The following AKAP11 variants were observed in gnomAD, a reference collection of about 807,000 sequenced individuals.
AKAP11 encodes the protein A-kinase anchoring protein 11, also known as A-kinase anchor protein 11.
A neutral mutation model predicts 146.1 loss-of-function variants in AKAP11; 36 were observed. The observed-to-expected ratio is 0.25, with a 90% confidence interval of 0.19 to 0.33. AKAP11 has a LOEUF of 0.33. Among genes scored for constraint, AKAP11 ranks in the 10% least tolerant of loss-of-function variants. The probability of loss-of-function intolerance (pLI) is 1.00; values close to 1 mark genes in which losing one functional copy is unlikely to be tolerated. For synonymous variants in AKAP11, 780 were observed against 786.5 expected, an observed-to-expected ratio of 0.99 and a Z score of 0.14; for missense variants, 2,201 against 2,197.0, an observed-to-expected ratio of 1.00 and a Z score of -0.04.
At position 42,300,808 on chromosome 13, in the gene AKAP11, T is replaced by C. The variant is rs1201722415; in HGVS notation, c.2062T>C (p.Leu688=). ...TGACTTTGAAGACAAAGTAGTGAAG[T>C]TGTATGCAAAAGATTTGTCTGAATC... ...SFDFEDKVVK[L]YAKDLSESVI... The change falls in exon 8 of 13, where the codon TTG becomes CTG. Residue 688 remains leucine, a synonymous_variant. Coordinates refer to ENST00000025301, the MANE Select transcript of AKAP11 (RefSeq NM_016248.4). The C allele has an allele frequency of 1.9e-6, 3 of 1,614,164 alleles. No individual in the cohort carries two copies. The Admixed American group carries it at 5.0e-5, about 27-fold the overall frequency.
chr13:42,317,868 A>G (rs1046465493), intron 12 of AKAP11, among the ~76,000 whole-genome samples, 180 bp downstream of exon 12: 4 of 152,168 alleles, frequency 2.6e-5, no homozygotes, highest in Admixed American at 2.6e-4. Context: ...CAGGTTCACC[A>G]GTCTGTCTCA....
intron 9 of AKAP11, among the ~76,000 whole-genome samples, chr13:42,309,636 A>G (rs1960451717): frequency 6.6e-6 from 1 of 152,220 alleles, no homozygotes; most frequent in Non-Finnish European, 1.5e-5. Flanking sequence ...TGCTATATAA[A>G]CCACCAATAT....
In AKAP11 at chr13:42,320,372, G is replaced by C. The variant is rs1961034755; in HGVS notation, c.*1144G>C. On this transcript the variant is annotated 3_prime_UTR_variant, in exon 13 of 13. Coordinates refer to ENST00000025301, the MANE Select transcript of AKAP11 (RefSeq NM_016248.4). ...ACTGTCTCGTCAAGTTCTCTGACAC[G>C]ATCTTTCTGGGCTCTACATTTCCTA... 1 of 126,694 alleles carries C rather than the reference G, an allele frequency of 7.9e-6. No individual in the cohort carries two copies. The highest frequency in any genetic ancestry group is 1.5e-5 in the Non-Finnish European group (1 of 64,620). The allele number at this position is 126,694 out of a possible 1,614,324, so 7.8% of individuals were successfully genotyped here.
chr13:42,300,457 A>G lies in AKAP11; in HGVS notation c.1711A>G (p.Lys571Glu). The G allele has an allele frequency of 6.2e-7, 1 of 1,613,994 alleles. No homozygotes were observed. The change falls in exon 8 of 13, where the codon AAA becomes GAA. Residue 571 changes from lysine to glutamate, a missense_variant. Physicochemically the swap from Lys to Glu is moderately conservative, Grantham distance 56. Coordinates refer to ENST00000025301, the MANE Select transcript of AKAP11 (RefSeq NM_016248.4). The part of the protein sequence containing the change: ...SFGSAFKDLQ[K>E]GVSSCTNALY... ...TGGCAGTGCATTTAAAGACTTACAG[A>G]AAGGAGTCTCTTCATGTACCAATGC...
At chr13:42,274,145 G>C (rs1288345192) in intron 1 of AKAP11, among the ~76,000 whole-genome samples, 2 of 152,148 alleles carry the variant, frequency 1.3e-5, no homozygotes, top group Non-Finnish European at 2.9e-5. Flanking sequence ...ACTTTGGATA[G>C]GGTAACTGAT....
rs375087646 is a variant in AKAP11 at position 42,283,830 on chromosome 13, G to A, written c.-99-2156G>A. 2.0e-4 allele frequency among the ~76,000 whole-genome samples: 30 copies of A among 152,286 alleles called. No individual in the cohort carries two copies. In the South Asian group the frequency reaches 4.8e-3, roughly 24 times the overall value. Reference sequence around the variant, plus strand: ...AGACTCAGAGAAAGTGATGTAAGGCGTGCCATTCCTTTGTCCTGCAGTATT... The same window carrying A: ...AGACTCAGAGAAAGTGATGTAAGGCATGCCATTCCTTTGTCCTGCAGTATT... On this transcript the variant is annotated intron_variant, in intron 1 of 12. Coordinates refer to ENST00000025301, the MANE Select transcript of AKAP11 (RefSeq NM_016248.4).
chr13:42,286,404 GT>G lies in AKAP11; in HGVS notation c.51+7del. ...ACTAAAGCATCTGTCAGAAAAGTAAGTTCACTCTATTAGGTTTCTTTTAGTG... is the reference window on the plus strand; with the variant it reads ...ACTAAAGCATCTGTCAGAAAAGTAAGTCACTCTATTAGGTTTCTTTTAGTG... On this transcript the variant is annotated splice_donor_region_variant and intron_variant, in intron 3 of 12. Coordinates refer to ENST00000025301, the MANE Select transcript of AKAP11 (RefSeq NM_016248.4). 1 of 1,592,016 alleles carries G rather than the reference GT, an allele frequency of 6.3e-7. No homozygotes were observed. The highest frequency in any genetic ancestry group is 8.5e-7 in the Non-Finnish European group (1 of 1,169,976).
At chr13:42,310,578 C>T (rs1047542005) in intron 9 of AKAP11, among the ~76,000 whole-genome samples, 10 of 151,960 alleles carry the variant, frequency 6.6e-5, no homozygotes, top group Non-Finnish European at 1.3e-4. Context: ...TTGGGCTGGG[C>T]GCGGTGATTC....
chr13:42,303,099 C>T lies in AKAP11; in HGVS notation c.4353C>T (p.Val1451=). The T allele has an allele frequency of 6.2e-7, 1 of 1,613,984 alleles. No homozygotes were observed. The highest frequency in any genetic ancestry group is 8.5e-7 in the Non-Finnish European group (1 of 1,180,008). The change falls in exon 8 of 13, where the codon GTC becomes GTT. Residue 1451 remains valine, a synonymous_variant. Coordinates refer to ENST00000025301, the MANE Select transcript of AKAP11 (RefSeq NM_016248.4). ...ERTLDPYRNE[V]SQLYSFSTSL... ...CCCTGGATCCATATAGAAATGAGGT[C>T]TCCCAACTGTATAGTTTTTCAACCT...
Position 42,320,593 on chromosome 13 carries a change from G to A in AKAP11, c.*1365G>A, listed in dbSNP as rs1188208431. On this transcript the variant is annotated 3_prime_UTR_variant, in exon 13 of 13. Transcript: ENST00000025301. ...CTCTCGCTGTGTCCTGTGTATGTGT[G>A]GGTGTGTGTGTATTTGGGTGTGTAA... 1 of 149,372 alleles carries A rather than the reference G, an allele frequency of 6.7e-6. No homozygotes were observed. Among genetic ancestry groups the A allele is most frequent in the East Asian group, 1.9e-4 (1 of 5,176 alleles). The allele number at this position is 149,372 out of a possible 1,614,324, so 9.3% of individuals were successfully genotyped here.
intron 4 of AKAP11, among the ~76,000 whole-genome samples, chr13:42,293,480 T>C (rs1566265641): frequency 1.3e-5 from 2 of 152,196 alleles, no homozygotes; most frequent in African/African-American, 2.4e-5. Flanking sequence ...CTCATCCTCT[T>C]TTTGTGTCAG....
At chr13:42,277,771 T>G (rs1958961619) in intron 1 of AKAP11, among the ~76,000 whole-genome samples, 1 of 152,138 alleles carries the variant, frequency 6.6e-6, no homozygotes, top group Non-Finnish European at 1.5e-5. Flanking sequence ...AGTAAGGCCT[T>G]TGGGGAATGC....
rs544547372 is a variant in AKAP11 at position 42,322,770 on chromosome 13, T to C, written c.*3542T>C. ...TTAGTCACTCTTGTCACTTTATTTA[T>C]TTATTGGTTTTTTTTTAACCATCTG... On this transcript the variant is annotated 3_prime_UTR_variant, in exon 13 of 13. Transcript: ENST00000025301. The C allele has an allele frequency of 5.2e-5, 8 of 152,818 alleles. No individual in the cohort carries two copies. In the South Asian group the frequency reaches 1.7e-3, roughly 32 times the overall value. 9.5% of individuals were successfully genotyped at this position (152,818 alleles called of 1,614,324 possible).
At chr13:42,280,879 A>G (rs978674078) in intron 1 of AKAP11, among the ~76,000 whole-genome samples, 4 of 152,244 alleles carry the variant, frequency 2.6e-5, no homozygotes, top group Non-Finnish European at 5.9e-5. Flanking sequence ...GCAATTTACT[A>G]GGCGAGGTAG....
In AKAP11 at chr13:42,282,236, T is replaced by C. The variant is rs529322046; in HGVS notation, c.-99-3750T>C. ...TTCCTGCCTTGGCCTCCCAAAGTGC[T>C]GGGAGCCACTGTGCTAGGCCAGTCT... On this transcript the variant is annotated intron_variant, in intron 1 of 12. Coordinates refer to ENST00000025301, the MANE Select transcript of AKAP11 (RefSeq NM_016248.4). 4.0e-5 allele frequency among the ~76,000 whole-genome samples: 6 copies of C among 151,284 alleles called. No homozygotes were observed. The South Asian group carries it at 1.3e-3, about 32-fold the overall frequency.
intron 5 of AKAP11, among the ~76,000 whole-genome samples, chr13:42,296,774 G>C (rs1292534618): frequency 6.6e-6 from 1 of 151,940 alleles, no homozygotes; most frequent in South Asian, 2.1e-4. Flanking sequence ...TAATTGTCAT[G>C]GATGTGTTAG....
Position 42,317,224 on chromosome 13 carries a change from C to G in AKAP11, c.5405-304C>G, listed in dbSNP as rs542184950. On this transcript the variant is annotated intron_variant, in intron 11 of 12. Transcript: ENST00000025301. ...TGATAGCTTTATAGTTTTATTTTCT[C>G]TCTAACCCACTGGTCATAATTTATA... is the stretch of plus-strand genomic sequence containing the variant. Among the ~76,000 whole-genome samples, 10 of 152,226 alleles carry G rather than the reference C, an allele frequency of 6.6e-5. No homozygotes were observed. In the South Asian group the frequency reaches 2.1e-3, roughly 32 times the overall value.
rs1189749189 is a variant in AKAP11 at position 42,319,413 on chromosome 13, G to C, written c.*185G>C. Reference sequence around the variant, plus strand: ...TATATAGTTCATACTTTTGTAATCTGTCAAAATACTACCTTCATTTATTCT... The same window carrying C: ...TATATAGTTCATACTTTTGTAATCTCTCAAAATACTACCTTCATTTATTCT... On this transcript the variant is annotated 3_prime_UTR_variant, in exon 13 of 13. Coordinates refer to ENST00000025301, the MANE Select transcript of AKAP11 (RefSeq NM_016248.4). The C allele has an allele frequency of 5.8e-6, 4 of 694,198 alleles. No individual in the cohort carries two copies. Among genetic ancestry groups the C allele is most frequent in the Non-Finnish European group, 9.2e-6 (4 of 436,804 alleles). 43.0% of individuals were successfully genotyped at this position (694,198 alleles called of 1,614,324 possible).
chr13:42,291,471 T>C (rs1959213158), intron 3 of AKAP11, among the ~76,000 whole-genome samples: 1 of 152,200 alleles, frequency 6.6e-6, no homozygotes, highest in African/African-American at 2.4e-5. Context: ...CAGGCTGGTC[T>C]CGAACTCCTT....
Sources: allele counts gnomAD v4.1 joint callset (sites outside exome capture counted in the v4.1 genomes callset), GRCh38; gene constraint gnomAD v4.1.1; transcripts MANE v1.5; gene names NCBI Gene and HGNC (gene_info 2026-07-23, HGNC 2026-07-21).